IL1RL1: variants seen among roughly 807,000 people sequenced by gnomAD.
IL1RL1 encodes the protein interleukin 1 receptor like 1.
Under a neutral mutation model 50.9 loss-of-function variants are expected in IL1RL1, and 32 were observed. The observed-to-expected ratio is 0.63, with a 90% confidence interval of 0.47 to 0.84. The LOEUF (loss-of-function observed/expected upper bound fraction) is 0.84. IL1RL1 is among the 40% of genes least tolerant of loss of function. The pLI, the probability that IL1RL1 is intolerant of heterozygous loss-of-function variation, is 0.00. For missense variants in IL1RL1, 773 were observed against 662.9 expected, an observed-to-expected ratio of 1.17 and a Z score of -1.82; for synonymous variants, 275 against 236.0, an observed-to-expected ratio of 1.17 and a Z score of -1.51.
chr2:102,324,129 G>A (rs1290854300), intron 1 of IL1RL1, among the ~76,000 whole-genome samples: 1 of 151,642 alleles, frequency 6.6e-6, no homozygotes, highest in African/African-American at 2.4e-5. Context: ...AATTGAACTG[G>A]TATGAACATT....
intron 1 of IL1RL1, among the ~76,000 whole-genome samples, chr2:102,329,425 A>G (rs1030513887): frequency 2.3e-4 from 35 of 152,336 alleles, no homozygotes; most frequent in Admixed American, 3.9e-4. Flanking sequence ...GGACATAGGC[A>G]TGGGCAAGGA....
intron 1 of IL1RL1, among the ~76,000 whole-genome samples, chr2:102,317,824 G>A (rs371157794): frequency 9.2e-5 from 14 of 152,166 alleles, no homozygotes; most frequent in South Asian, 2.1e-4. Context: ...GTCAAAGGGT[G>A]GGAGAGGATA....
At chr2:102,337,694 G>A (rs965218364) in intron 1 of IL1RL1, among the ~76,000 whole-genome samples, 4 of 152,160 alleles carry the variant, frequency 2.6e-5, no homozygotes, top group Admixed American at 6.6e-5. Flanking sequence ...ACTTGCACAT[G>A]TGTCTGTTTG....
intron 1 of IL1RL1, among the ~76,000 whole-genome samples, chr2:102,319,450 C>A (rs1257094740): frequency 6.6e-6 from 1 of 152,060 alleles, no homozygotes; most frequent in Non-Finnish European, 1.5e-5. Context: ...GGAGGTGCAA[C>A]AAAATGAAGG....
At chr2:102,334,686 C>T (rs775117488) in intron 1 of IL1RL1, among the ~76,000 whole-genome samples, 1 of 152,176 alleles carries the variant, frequency 6.6e-6, no homozygotes, top group East Asian at 1.9e-4. Flanking sequence ...ACCAAGTTCC[C>T]TGTCTTTTGA....
chr2:102,340,015 C>A, intron 3 of IL1RL1, 83 bp from the exon 4 acceptor site: 1 of 693,748 alleles, frequency 1.4e-6, no homozygotes, highest in Non-Finnish European at 2.2e-6. Context: ...AGAAGAAAAG[C>A]AATATTAAGT....
intron 5 of IL1RL1, 105 bp from the exon 6 acceptor site, chr2:102,342,118 T>G (rs1463513422): frequency 2.8e-6 from 2 of 707,204 alleles, no homozygotes; most frequent in African/African-American, 3.6e-5. Flanking sequence ...TCAGAAGAAC[T>G]TGAAAAACAT....
intron 1 of IL1RL1, among the ~76,000 whole-genome samples, chr2:102,322,705 T>A (rs999288745): frequency 6.6e-6 from 1 of 152,238 alleles, no homozygotes; most frequent in Non-Finnish European, 1.5e-5. Flanking sequence ...TTCAGTTGAA[T>A]GAGATTCAGC....
chr2:102,347,998 C>T lies in IL1RL1; in HGVS notation c.1024C>T (p.Leu342=). ...TGCAGTATGTAGTGTATTTTTAATG[C>T]TAATCAATGTCCTGGTTATCATCCT... ...IIAVCSVFLM[L]INVLVIILKM... Residue 342 remains leucine (L), a synonymous_variant, in exon 9 of 11, where the codon CTA becomes TTA. Coordinates refer to ENST00000233954, the MANE Select transcript of IL1RL1 (RefSeq NM_016232.5). 1 of 1,575,596 alleles carries T rather than the reference C, an allele frequency of 6.3e-7. No homozygotes were observed. The highest frequency in any genetic ancestry group is 1.3e-5 in the African/African-American group (1 of 74,184).
intron 1 of IL1RL1, among the ~76,000 whole-genome samples, chr2:102,324,216 A>T (rs1206782010): frequency 6.6e-6 from 1 of 152,186 alleles, no homozygotes; most frequent in East Asian, 1.9e-4. Context: ...TCTGGAGTGT[A>T]ACACAAGCAC....
At position 102,343,926 on chromosome 2, in the gene IL1RL1, C is replaced by G. The variant is rs192786331; in HGVS notation, c.970+511C>G. On this transcript the variant is annotated intron_variant, in intron 8 of 10. Coordinates refer to ENST00000233954, the MANE Select transcript of IL1RL1 (RefSeq NM_016232.5). ...CATTTCAGTGAGAAAATCCTAGGTG[C>G]TACTTTATAATAAGACATTTGTTAG... 29 of 992,916 alleles carry G rather than the reference C, an allele frequency of 2.9e-5. No individual in the cohort carries two copies. The Admixed American group carries it at 4.3e-4, about 15-fold the overall frequency. The allele number at this position is 992,916 out of a possible 1,614,324, so 61.5% of individuals were successfully genotyped here.
rs1677827792 is a variant in IL1RL1, at chr2:102,347,927, T to C, written c.971-18T>C. ...TTGTTTCAGTAGTAATAATAATCTT[T>C]TTCTTTCTTTTGAATAGTTGATCAT... On this transcript the variant is annotated intron_variant, in intron 8 of 10. Transcript: ENST00000233954. 1 of 1,407,554 alleles carries C rather than the reference T, an allele frequency of 7.1e-7. No homozygotes were observed. Among genetic ancestry groups the C allele is most frequent in the Admixed American group, 1.7e-5 (1 of 58,084 alleles). 87.2% of individuals were successfully genotyped at this position (1,407,554 alleles called of 1,614,324 possible).
chr2:102,337,891 G>A (rs1177545716), intron 1 of IL1RL1, among the ~76,000 whole-genome samples: 7 of 151,920 alleles, frequency 4.6e-5, no homozygotes, highest in Non-Finnish European at 8.8e-5. Flanking sequence ...ATATAACTGC[G>A]AAGTAGCATG....
In IL1RL1 at chr2:102,329,814, GT is replaced by G. The variant is rs575409075; in HGVS notation, c.-149-8301del. Among the ~76,000 whole-genome samples the G allele has an allele frequency of 1.7e-4, 26 of 152,294 alleles. No homozygotes were observed. In the South Asian group the frequency reaches 5.4e-3, roughly 32 times the overall value. Reference sequence around the variant, plus strand: ...ATACCATCTCACACCAGTTAGAATGGTGATTATTAAAAAGCCAGGAAACAAC... The same window carrying G: ...ATACCATCTCACACCAGTTAGAATGGGATTATTAAAAAGCCAGGAAACAAC... On this transcript the variant is annotated intron_variant, in intron 1 of 10. Coordinates refer to ENST00000233954, the MANE Select transcript of IL1RL1 (RefSeq NM_016232.5).
At chr2:102,326,859 C>G (rs891667116) in intron 1 of IL1RL1, among the ~76,000 whole-genome samples, 41 of 152,062 alleles carry the variant, frequency 2.7e-4, no homozygotes, top group Non-Finnish European at 5.4e-4. Flanking sequence ...TAAAGCAAGT[C>G]CTTAGAGATC....
chr2:102,333,563 T>G (rs1225367960), intron 1 of IL1RL1, among the ~76,000 whole-genome samples: 5 of 152,200 alleles, frequency 3.3e-5, no homozygotes, highest in African/African-American at 4.8e-5. Flanking sequence ...ATTCCACTTG[T>G]TCCTTGAATA....
At chr2:102,325,265 A>G (rs1301619022) in intron 1 of IL1RL1, among the ~76,000 whole-genome samples, 1 of 152,138 alleles carries the variant, frequency 6.6e-6, no homozygotes, top group African/African-American at 2.4e-5. Flanking sequence ...ACTCCAGCAA[A>G]CTCCAACAGA....
intron 1 of IL1RL1, among the ~76,000 whole-genome samples, chr2:102,332,076 T>TA (rs1677192768): frequency 6.6e-6 from 1 of 152,020 alleles, no homozygotes; most frequent in African/African-American, 2.4e-5. Flanking sequence ...TCAGAAATAA[T>TA]AATAATAATG....
chr2:102,328,167 G>A (rs993394994), intron 1 of IL1RL1, among the ~76,000 whole-genome samples: 6 of 152,128 alleles, frequency 3.9e-5, no homozygotes. Flanking sequence ...ATGATCAAGT[G>A]GGCTTCATCT....
Sources: gnomAD v4.1 joint callset for allele counts (sites outside exome capture counted in the v4.1 genomes callset) on GRCh38, gnomAD v4.1.1 for gene constraint, MANE v1.5 for transcripts, NCBI Gene and HGNC (gene_info 2026-07-23, HGNC 2026-07-21) for gene names.